NEGR1: variants seen among roughly 807,000 people sequenced by gnomAD.
NEGR1 encodes neuronal growth regulator 1.
Under a neutral mutation model 40.9 loss-of-function variants are expected in NEGR1, and 10 were observed. That is an observed-to-expected ratio of 0.24 (90% CI 0.15 to 0.42). The LOEUF (loss-of-function observed/expected upper bound fraction) is 0.42. Ranked by LOEUF, NEGR1 falls within the 10% of genes least tolerant of loss-of-function variation. The probability of loss-of-function intolerance (pLI) is 1.00; values close to 1 mark genes in which losing one functional copy is unlikely to be tolerated. For missense variants in NEGR1, 352 were observed against 438.9 expected, an observed-to-expected ratio of 0.80 and a Z score of 1.77; for synonymous variants, 185 against 166.8, an observed-to-expected ratio of 1.11 and a Z score of -0.84.
chr1:72,129,558 C>T (rs1049021967), intron 1 of NEGR1, among the ~76,000 whole-genome samples: 1 of 152,064 alleles, frequency 6.6e-6, no homozygotes, highest in African/African-American at 2.4e-5. Context: ...AAGCTACAAA[C>T]AGTAATATTG....
At chr1:72,134,119 T>C (rs959080982) in intron 1 of NEGR1, among the ~76,000 whole-genome samples, 4 of 152,146 alleles carry the variant, frequency 2.6e-5, no homozygotes, top group African/African-American at 9.6e-5. Context: ...TCTTTCTTTT[T>C]ATTGAAAGAT....
chr1:72,271,971 T>C (rs1655861093), intron 1 of NEGR1, among the ~76,000 whole-genome samples: 1 of 151,920 alleles, frequency 6.6e-6, no homozygotes, highest in South Asian at 2.1e-4. Flanking sequence ...ACCAGCCATG[T>C]GGAACTGTAA....
intron 3 of NEGR1, among the ~76,000 whole-genome samples, chr1:71,704,734 C>A (rs1054107749): frequency 6.6e-6 from 1 of 151,850 alleles, no homozygotes; most frequent in African/African-American, 2.4e-5. Context: ...TACACAAATT[C>A]TTTCTGAAAA....
chr1:72,025,657 T>C (rs1473014798), intron 1 of NEGR1, among the ~76,000 whole-genome samples: 1 of 152,226 alleles, frequency 6.6e-6, no homozygotes, highest in Non-Finnish European at 1.5e-5. Context: ...AGCAGAGTTT[T>C]AATTTCTGTG....
chr1:72,009,740 T>A (rs541972839), intron 1 of NEGR1, among the ~76,000 whole-genome samples: 17 of 152,248 alleles, frequency 1.1e-4, no homozygotes, highest in African/African-American at 4.1e-4. Flanking sequence ...CACTGATCTA[T>A]TCAATAACAG....
chr1:72,187,536 ACT>A (rs1391559644), intron 1 of NEGR1, among the ~76,000 whole-genome samples: 2 of 151,472 alleles, frequency 1.3e-5, no homozygotes, highest in African/African-American at 4.8e-5. Context: ...AGCCTATAAG[ACT>A]TTGAGTTGCT....
At chr1:72,094,843 AACAAAC>A (rs1362095443) in intron 1 of NEGR1, among the ~76,000 whole-genome samples, 1 of 152,218 alleles carries the variant, frequency 6.6e-6, no homozygotes, top group Non-Finnish European at 1.5e-5. Context: ...AAATTGATCC[AACAAAC>A]AAAATGTTGG....
chr1:71,745,925 G>A (rs1341817054), intron 3 of NEGR1, among the ~76,000 whole-genome samples: 3 of 152,080 alleles, frequency 2.0e-5, no homozygotes, highest in Admixed American at 6.5e-5. Context: ...CATTCCAAAG[G>A]GGTCCTACTC....
chr1:71,807,534 G>A (rs531391498), intron 2 of NEGR1, among the ~76,000 whole-genome samples: 2 of 152,098 alleles, frequency 1.3e-5, no homozygotes, highest in Non-Finnish European at 2.9e-5. Context: ...AATTCCTCTT[G>A]AAGAGGAATT....
chr1:71,656,196 G>C (rs1400046843), intron 4 of NEGR1, among the ~76,000 whole-genome samples: 3 of 152,082 alleles, frequency 2.0e-5, no homozygotes, highest in Non-Finnish European at 4.4e-5. Context: ...CAGACGCAGT[G>C]ACATAAAAAT....
At chr1:71,912,882 T>C (rs867709104) in intron 2 of NEGR1, among the ~76,000 whole-genome samples, 2 of 152,118 alleles carry the variant, frequency 1.3e-5, no homozygotes, top group South Asian at 2.1e-4. Flanking sequence ...ATTTGAACAT[T>C]TTCATGCATT....
chr1:72,198,101 A>G (rs1653064914), intron 1 of NEGR1, among the ~76,000 whole-genome samples: 1 of 151,980 alleles, frequency 6.6e-6, no homozygotes, highest in Non-Finnish European at 1.5e-5. Flanking sequence ...TATTTCCCCA[A>G]GTAGTTTTCT....
chr1:71,723,262 G>A (rs962272169), intron 3 of NEGR1, among the ~76,000 whole-genome samples: 1 of 151,986 alleles, frequency 6.6e-6, no homozygotes, highest in African/African-American at 2.4e-5. Context: ...CCAGTTTCTG[G>A]CACAGAGCTC....
At chr1:72,279,239 C>T (rs998620046) in intron 1 of NEGR1, among the ~76,000 whole-genome samples, 1 of 152,090 alleles carries the variant, frequency 6.6e-6, no homozygotes, top group Non-Finnish European at 1.5e-5. Context: ...TATAACTCCA[C>T]TTAAGGAAAG....
chr1:71,948,349 T>C (rs1225727669), intron 1 of NEGR1, among the ~76,000 whole-genome samples: 1 of 151,996 alleles, frequency 6.6e-6, no homozygotes, highest in East Asian at 1.9e-4. Flanking sequence ...TTATAAATAT[T>C]TATTTTTAAA....
chr1:71,729,011 T>A (rs768865013), intron 3 of NEGR1, among the ~76,000 whole-genome samples: 68 of 152,068 alleles, frequency 4.5e-4, no homozygotes, highest in Non-Finnish European at 9.1e-4. Flanking sequence ...AAACTTTTTT[T>A]TTACCACGGC....
intron 1 of NEGR1, among the ~76,000 whole-genome samples, chr1:72,139,275 C>A (rs550238007): frequency 6.7e-6 from 1 of 148,272 alleles, no homozygotes; most frequent in African/African-American, 2.5e-5. Context: ...AAAAGAAACT[C>A]GAATTAAACA....
intron 3 of NEGR1, among the ~76,000 whole-genome samples, chr1:71,729,709 A>G (rs1157327454): frequency 6.6e-6 from 1 of 152,098 alleles, no homozygotes. Context: ...ATCTTGGCTC[A>G]CTGAAAACTC....
chr1:72,094,590 G>A lies in NEGR1; in HGVS notation c.177-159279C>T, dbSNP rs531484767. Among the ~76,000 whole-genome samples the A allele has an allele frequency of 2.6e-5, 4 of 152,096 alleles. No individual in the cohort carries two copies. The East Asian group carries it at 7.7e-4, about 29-fold the overall frequency. ...CAATTCAGAGAGACTGGTGATTTGG[G>A]GTATAAAGATCATCCCAATCAAGTC... is the stretch of plus-strand genomic sequence containing the variant. On this transcript the variant is annotated intron_variant, in intron 1 of 6. Coordinates refer to ENST00000357731, the MANE Select transcript of NEGR1 (RefSeq NM_173808.3).
Sources: gnomAD v4.1 joint callset for allele counts (sites outside exome capture counted in the v4.1 genomes callset) on GRCh38, gnomAD v4.1.1 for gene constraint, MANE v1.5 for transcripts, NCBI Gene and HGNC (gene_info 2026-07-23, HGNC 2026-07-21) for gene names.